LRRC7: variants seen among roughly 807,000 people sequenced by gnomAD.
LRRC7 encodes leucine-rich repeat-containing protein 7.
LRRC7 carries 23 observed loss-of-function variants against 175.7 expected under a neutral mutation model. That is an observed-to-expected ratio of 0.13 (90% CI 0.09 to 0.19). The LOEUF is 0.19. Ranked by LOEUF, LRRC7 falls within the 10% of genes least tolerant of loss-of-function variation. The pLI is 1.00. For missense variants in LRRC7, 1,354 were observed against 1,904.7 expected, an observed-to-expected ratio of 0.71 and a Z score of 5.38; for synonymous variants, 685 against 680.9, an observed-to-expected ratio of 1.01 and a Z score of -0.09.
rs566645902 is a variant in LRRC7, at chr1:69,970,660, C to A, written c.712-9719C>A. 4.2e-4 allele frequency among the ~76,000 whole-genome samples: 64 copies of A among 152,130 alleles called. No individual in the cohort carries two copies. In the Middle Eastern group the frequency reaches 0.017, roughly 40 times the overall value. On this transcript the variant is annotated intron_variant, in intron 8 of 26. Transcript: ENST00000651989. ...GAAAGAATTACCAACAAAAAGAAGT[C>A]CAGGACCAGACAGACTCACAGCAGA...
intron 23 of LRRC7, among the ~76,000 whole-genome samples, chr1:70,054,763 C>A (rs1017033994): frequency 1.3e-5 from 2 of 151,464 alleles, no homozygotes; most frequent in African/African-American, 4.8e-5. Context: ...CCATGCCTGG[C>A]CAATTTTTAG....
intron 10 of LRRC7, among the ~76,000 whole-genome samples, chr1:69,990,535 G>T (rs146833584): frequency 1.3e-5 from 2 of 152,056 alleles, no homozygotes; most frequent in African/African-American, 4.8e-5. Context: ...AAAATGTTTA[G>T]ACAGGATTAA....
chr1:70,111,910 A>G (rs530755252), intron 26 of LRRC7, among the ~76,000 whole-genome samples: 1 of 152,294 alleles, frequency 6.6e-6, no homozygotes, highest in South Asian at 2.1e-4. Flanking sequence ...TTTTGCCAAT[A>G]ACCAAAACAG....
intron 7 of LRRC7, among the ~76,000 whole-genome samples, chr1:69,886,070 G>T (rs1473622675): frequency 6.6e-6 from 1 of 150,802 alleles, no homozygotes; most frequent in Non-Finnish European, 1.5e-5. Flanking sequence ...GTGTGGTGTG[G>T]TGCTGAAAAA....
chr1:69,606,596 T>G (rs1647623148), intron 1 of LRRC7, among the ~76,000 whole-genome samples: 1 of 152,144 alleles, frequency 6.6e-6, no homozygotes, highest in Admixed American at 6.6e-5. Flanking sequence ...TCTATTATAG[T>G]GCACAAGTCC....
At chr1:69,661,752 TA>T (rs1350524553) in intron 1 of LRRC7, among the ~76,000 whole-genome samples, 1 of 152,182 alleles carries the variant, frequency 6.6e-6, no homozygotes, top group Non-Finnish European at 1.5e-5. Context: ...CCCCAGATTA[TA>T]AAATGAATGT....
chr1:69,855,189 A>G (rs1333912637), intron 7 of LRRC7, among the ~76,000 whole-genome samples: 1 of 152,010 alleles, frequency 6.6e-6, no homozygotes, highest in African/African-American at 2.4e-5. Context: ...TAAGATAAAA[A>G]TAAATCTAGT....
chr1:69,905,464 G>A (rs902380621), intron 7 of LRRC7, among the ~76,000 whole-genome samples: 1 of 151,962 alleles, frequency 6.6e-6, no homozygotes, highest in Non-Finnish European at 1.5e-5. Context: ...GTGTCCATGT[G>A]TTCTCATTGT....
intron 4 of LRRC7, among the ~76,000 whole-genome samples, chr1:69,818,988 T>C (rs1241011481): frequency 6.6e-6 from 1 of 152,080 alleles, no homozygotes; most frequent in African/African-American, 2.4e-5. Flanking sequence ...TCCCTTTTAT[T>C]CTTACTGTAG....
intron 3 of LRRC7, among the ~76,000 whole-genome samples, chr1:69,771,951 T>C (rs1285983895): frequency 2.6e-5 from 4 of 151,884 alleles, no homozygotes; most frequent in African/African-American, 9.7e-5. Context: ...TGAAACCCCA[T>C]CTCTCCTAAA....
intron 26 of LRRC7, among the ~76,000 whole-genome samples, chr1:70,117,682 AT>A (rs71071390): frequency 3.9e-5 from 6 of 152,124 alleles, no homozygotes; most frequent in South Asian, 4.1e-4. Flanking sequence ...TTAATTACAT[AT>A]TTTTTAAGGA....
At chr1:69,656,226 T>C (rs1656587010) in intron 1 of LRRC7, among the ~76,000 whole-genome samples, 1 of 152,062 alleles carries the variant, frequency 6.6e-6, no homozygotes, top group Non-Finnish European at 1.5e-5. Flanking sequence ...CTTACTTTTT[T>C]GTCAGCTTTT....
intron 10 of LRRC7, among the ~76,000 whole-genome samples, chr1:69,988,878 G>T (rs148501344): frequency 6.6e-6 from 1 of 152,070 alleles, no homozygotes; most frequent in Admixed American, 6.6e-5. Context: ...CATAGTGAAG[G>T]GGGAAACATT....
chr1:70,089,666 T>C, intron 24 of LRRC7, 61 bp from the exon 25 acceptor site: 2 of 1,132,898 alleles, frequency 1.8e-6, no homozygotes, highest in Non-Finnish European at 2.6e-6. Context: ...GAAATACAGT[T>C]ATTTGAAAAT....
intron 7 of LRRC7, among the ~76,000 whole-genome samples, chr1:69,845,070 C>A (rs966467860): frequency 1.3e-5 from 2 of 151,800 alleles, no homozygotes; most frequent in African/African-American, 4.8e-5. Flanking sequence ...GGCAACAGAG[C>A]GAGGCCCTGT....
At chr1:70,080,474 C>T (rs1352807515) in intron 24 of LRRC7, among the ~76,000 whole-genome samples, 1 of 152,164 alleles carries the variant, frequency 6.6e-6, no homozygotes, top group Non-Finnish European at 1.5e-5. Context: ...AACTACCCAT[C>T]ACAATAAAAA....
In LRRC7 at chr1:69,597,993, C is replaced by A. The variant is rs771499941; in HGVS notation, c.2+29352C>A. Among the ~76,000 whole-genome samples the A allele has an allele frequency of 2.2e-4, 34 of 152,132 alleles. 1 individual carries two copies. Among genetic ancestry groups the A allele is most frequent in the Non-Finnish European group, 4.6e-4 (31 of 68,002 alleles). On this transcript the variant is annotated intron_variant, in intron 1 of 26. Transcript: ENST00000651989. ...TCGCTAGAGAATATTCTAAGAGACT[C>A]CTTTCATCTACCAAACAGAATTTTT...
intron 23 of LRRC7, among the ~76,000 whole-genome samples, chr1:70,067,888 G>T (rs973314311): frequency 6.6e-6 from 1 of 151,976 alleles, no homozygotes; most frequent in Non-Finnish European, 1.5e-5. Flanking sequence ...ACATGGTATT[G>T]CATTTTAAAT....
Position 69,975,387 on chromosome 1 carries a change from A to G in LRRC7, c.712-4992A>G, listed in dbSNP as rs756661260. ...GCCATTATCCAAAACAACTTCAGAA[A>G]TCTTGAATCTCTAAATTCTACCATA... On this transcript the variant is annotated intron_variant, in intron 8 of 26. Transcript: ENST00000651989. Among the ~76,000 whole-genome samples, 40 of 152,162 alleles carry G rather than the reference A, an allele frequency of 2.6e-4. 1 individual carries two copies. Among genetic ancestry groups the G allele is most frequent in the Non-Finnish European group, 3.8e-4 (26 of 68,022 alleles).
Sources: allele counts gnomAD v4.1 joint callset (sites outside exome capture counted in the v4.1 genomes callset), GRCh38; gene constraint gnomAD v4.1.1; transcripts MANE v1.5; gene names NCBI Gene and HGNC (gene_info 2026-07-23, HGNC 2026-07-21).